The following DCP1B variants were observed in gnomAD, a reference collection of about 807,000 sequenced individuals.
DCP1B encodes the protein mRNA-decapping enzyme 1B.
In DCP1B, 47 loss-of-function variants were observed where a neutral mutation model predicts 60.5. The ratio of observed to expected loss-of-function variants is 0.78; its 90% CI spans 0.61 to 0.99. The LOEUF (loss-of-function observed/expected upper bound fraction) is 0.99. Among genes scored for constraint, DCP1B ranks in the 50% least tolerant of loss-of-function variants. The probability of loss-of-function intolerance (pLI) is 0.00; values close to 1 mark genes in which losing one functional copy is unlikely to be tolerated. For missense variants in DCP1B, 725 were observed against 756.8 expected, an observed-to-expected ratio of 0.96 and a Z score of 0.49; for synonymous variants, 267 against 280.3, an observed-to-expected ratio of 0.95 and a Z score of 0.47.
In DCP1B at chr12:1,949,135, C is replaced by T. The variant is rs549502503; in HGVS notation, c.1724G>A (p.Ser575Asn). 1.1e-5 allele frequency: 17 copies of T among 1,614,084 alleles called. No homozygotes were observed. In the Admixed American group the frequency reaches 2.5e-4, roughly 24 times the overall value. The change falls in exon 8 of 9, where the codon AGC (serine) becomes AAC (asparagine). Residue 575 changes from serine to asparagine, a missense_variant. Physicochemically the swap from Ser to Asn is conservative, Grantham distance 46 (BLOSUM62 1). Transcript: ENST00000280665. ...CTGGAGCTGGAGCTTGGTGAGTGGG[C>T]TGCTGGTGATCACGGAGGGCTCCGG... is the stretch of plus-strand genomic sequence containing the variant. ...QSPEPSVITS[S>N]PLTKLQLQEA... is the part of the protein sequence containing the mutation.
chr12:1,955,329 G>C, intron 6 of DCP1B, 103 bp downstream of exon 6: 1 of 1,321,184 alleles, frequency 7.6e-7, no homozygotes, highest in Non-Finnish European at 1.0e-6. Context: ...TTACCTGAAA[G>C]CATTCTTCAA....
intron 1 of DCP1B, 23 bp from the exon 2 acceptor site, chr12:1,997,998 A>C (rs768008783): frequency 3.1e-6 from 5 of 1,599,600 alleles, no homozygotes; most frequent in Non-Finnish European, 4.3e-6. Flanking sequence ...AACAAAACAC[A>C]CAAGACATGT....
intron 1 of DCP1B, among the ~76,000 whole-genome samples, chr12:1,998,825 A>G (rs2154477979): frequency 6.6e-6 from 1 of 152,342 alleles, no homozygotes; most frequent in Non-Finnish European, 1.5e-5. Flanking sequence ...TACTTTTGCA[A>G]TTTACATGGT....
At chr12:2,003,756 C>T (rs1020163423) in intron 1 of DCP1B, among the ~76,000 whole-genome samples, 1 of 152,134 alleles carries the variant, frequency 6.6e-6, no homozygotes, top group Non-Finnish European at 1.5e-5. Context: ...TTTTATTTGA[C>T]GAGGTTGGCT....
At chr12:1,993,960 G>A (rs2040182354) in intron 2 of DCP1B, among the ~76,000 whole-genome samples, 1 of 152,160 alleles carries the variant, frequency 6.6e-6, no homozygotes, top group Admixed American at 6.5e-5. Context: ...ACATAACAGT[G>A]CAAAGGGCAG....
intron 5 of DCP1B, among the ~76,000 whole-genome samples, chr12:1,956,487 T>C (rs1197103186): frequency 6.6e-6 from 1 of 152,214 alleles, no homozygotes; most frequent in Non-Finnish European, 1.5e-5. Context: ...TCAATGTGTA[T>C]TCTCTAATCC....
chr12:2,004,122 C>T (rs2042828012), intron 1 of DCP1B, 160 bp downstream of exon 1: 2 of 1,041,274 alleles, frequency 1.9e-6, no homozygotes, highest in African/African-American at 1.6e-5. Flanking sequence ...CCCAAACCCC[C>T]GAGACCCCAT....
At chr12:1,960,662 T>C (rs1440843516) in intron 5 of DCP1B, among the ~76,000 whole-genome samples, 1 of 152,204 alleles carries the variant, frequency 6.6e-6, no homozygotes, top group Non-Finnish European at 1.5e-5. Context: ...ATATATACAA[T>C]TTTAATTTTT....
chr12:1,954,779 C>T (rs183101080), intron 6 of DCP1B, among the ~76,000 whole-genome samples: 4 of 152,212 alleles, frequency 2.6e-5, no homozygotes, highest in Admixed American at 2.0e-4. Context: ...CCTTGGGAAG[C>T]CACCCACCCC....
chr12:1,959,160 A>ATCCC (rs2031027823), intron 5 of DCP1B, among the ~76,000 whole-genome samples: 2 of 152,302 alleles, frequency 1.3e-5, no homozygotes, highest in South Asian at 4.1e-4. Flanking sequence ...AACAGGGGAA[A>ATCCC]AGCTCCCTAA....
chr12:1,992,039 C>A, intron 3 of DCP1B: 3 of 348,492 alleles, frequency 8.6e-6, no homozygotes, highest in Middle Eastern at 1.0e-3. Context: ...ATAAACAATT[C>A]AAACTGGCAT....
Position 1,971,773 on chromosome 12 carries a change from ATTTGCCTTATCTCAT to A in DCP1B, c.320-3878_320-3864del, listed in dbSNP as rs2032381221. Among the ~76,000 whole-genome samples the A allele has an allele frequency of 6.6e-6, 1 of 152,056 alleles. No individual in the cohort carries two copies. The highest frequency in any genetic ancestry group is 6.5e-5 in the Admixed American group (1 of 15,274). ...AGTTCATTTTGCATGTTCTTTGGGG[ATTTGCCTTATCTCAT>A]TTATGTTCCTAATAAATATTTCTGT... On this transcript the variant is annotated intron_variant, in intron 3 of 8. Coordinates refer to ENST00000280665, the MANE Select transcript of DCP1B (RefSeq NM_152640.5). This position sits in a 1 kb window ranked among gnomAD's most constrained non-coding sequence, Gnocchi z 4.2.
chr12:1,953,309 TG>T, intron 6 of DCP1B, 21 bp from the exon 7 acceptor site: 1 of 1,541,090 alleles, frequency 6.5e-7, no homozygotes, highest in South Asian at 1.2e-5. Context: ...TAAAGATATC[TG>T]ACATGAGTCT....
chr12:1,995,159 T>C (rs1431626738), intron 2 of DCP1B, among the ~76,000 whole-genome samples: 1 of 152,186 alleles, frequency 6.6e-6, no homozygotes, highest in East Asian at 1.9e-4. Context: ...TACAAACTTA[T>C]ATTTGGTCTG....
At chr12:1,946,904 C>T (rs2030448445) in intron 8 of DCP1B, among the ~76,000 whole-genome samples, 1 of 152,126 alleles carries the variant, frequency 6.6e-6, no homozygotes, top group Non-Finnish European at 1.5e-5. Context: ...CTATGTTGCT[C>T]AGGGTGGTCT....
intron 6 of DCP1B, among the ~76,000 whole-genome samples, chr12:1,954,909 C>A (rs1217927890): frequency 6.6e-6 from 1 of 152,188 alleles, no homozygotes; most frequent in African/African-American, 2.4e-5. Context: ...CTTGCCCAGG[C>A]TGGAGTGCAG....
chr12:1,976,511 T>G (rs1471504879), intron 3 of DCP1B, among the ~76,000 whole-genome samples: 1 of 152,142 alleles, frequency 6.6e-6, no homozygotes, highest in Non-Finnish European at 1.5e-5. Flanking sequence ...AATGTCAAAT[T>G]CCTCGGCTCC....
chr12:1,989,906 T>C (rs1005469438), intron 3 of DCP1B, among the ~76,000 whole-genome samples: 2 of 152,256 alleles, frequency 1.3e-5, no homozygotes, highest in South Asian at 2.1e-4. Context: ...AATTAGTTTT[T>C]AATCTGGTAA....
chr12:1,974,829 C>G lies in DCP1B; in HGVS notation c.320-6919G>C, dbSNP rs1301460238. Among the ~76,000 whole-genome samples the G allele has an allele frequency of 2.6e-5, 4 of 152,150 alleles. No individual in the cohort carries two copies. The East Asian group carries it at 7.7e-4, about 29-fold the overall frequency. ...GAATCTCAATGTACATAAATAAGTC[C>G]AGTCTCCTATAATCGCAGTTTTTGA... On this transcript the variant is annotated intron_variant, in intron 3 of 8. Transcript: ENST00000280665.
Sources: gnomAD v4.1 joint callset for allele counts (sites outside exome capture counted in the v4.1 genomes callset) on GRCh38, gnomAD v4.1.1 for gene constraint, Gnocchi (gnomAD v3.1) non-coding constraint, MANE v1.5 for transcripts, NCBI Gene and HGNC (gene_info 2026-07-23, HGNC 2026-07-21) for gene names.